ZNF469: variants seen among roughly 807,000 people sequenced by gnomAD.
The protein encoded by ZNF469 is zinc finger protein 469.
In ZNF469, 1 loss-of-function variant was observed where a neutral mutation model predicts 1.0. The observed-to-expected ratio is 1.00, with a 90% confidence interval of 0.35 to 4.73. ZNF469 has a LOEUF of 4.73. ZNF469 is among the 30% of genes most tolerant of loss of function. The pLI, the probability that ZNF469 is intolerant of heterozygous loss-of-function variation, is 0.16. For synonymous variants in ZNF469, 2,703 were observed against 2,363.4 expected (o/e 1.14, Z -4.17); for missense variants, 6,100 against 5,356.3 (o/e 1.14, Z -4.33).
chr16:88,320,554 T>G, the ZNF469 span, among the ~76,000 whole-genome samples: 68 of 152,254 alleles, frequency 4.5e-4, 2 homozygotes, highest in African/African-American at 1.6e-3. Context: ...TGGCTAGTTT[T>G]TGTATTTTTA....
chr16:88,378,945 G>A (rs1282098090), upstream of ZNF469, among the ~76,000 whole-genome samples: 2 of 152,226 alleles, frequency 1.3e-5, no homozygotes, highest in African/African-American at 4.8e-5. Context: ...ACACGTGGCA[G>A]GGGTGCGGCC....
the ZNF469 span, among the ~76,000 whole-genome samples, chr16:88,327,246 C>T: frequency 6.6e-6 from 1 of 152,194 alleles, no homozygotes; most frequent in Admixed American, 6.5e-5. Context: ...CAGCCCCTGC[C>T]TCCCCGGCAC....
rs1420231228 is a variant in ZNF469 at position 88,434,158 on chromosome 16, C to T, written c.6688C>T (p.Pro2230Ser). 1.3e-6 allele frequency: 2 copies of T among 1,550,340 alleles called. 1 individual carries two copies. Among genetic ancestry groups the T allele is most frequent in the South Asian group, 2.4e-5 (2 of 84,064 alleles). Residue 2230 changes from proline to serine, a missense_variant, in exon 3 of 3, where the codon CCT becomes TCT. Transcript: ENST00000565624. ...SPLEDPSSWP[P>S]GSVSAVTCTH... ...CCTGGAAGACCCTTCCTCCTGGCCT[C>T]CTGGCTCCGTCAGTGCTGTAACCTG...
At chr16:88,286,388 G>T in the ZNF469 span, among the ~76,000 whole-genome samples, 3 of 152,242 alleles carry the variant, frequency 2.0e-5, no homozygotes, top group African/African-American at 7.2e-5. Flanking sequence ...TTCTGCACCT[G>T]CCTGTCTGCT....
chr16:88,184,376 TATG>T, the ZNF469 span, among the ~76,000 whole-genome samples: 4 of 152,038 alleles, frequency 2.6e-5, no homozygotes, highest in Admixed American at 6.6e-5. Flanking sequence ...TGATTAAACG[TATG>T]ATTTCTGCCA....
At chr16:88,101,447 C>A in the ZNF469 span, among the ~76,000 whole-genome samples, 1 of 152,014 alleles carries the variant, frequency 6.6e-6, no homozygotes, top group Non-Finnish European at 1.5e-5. Context: ...TTGTGGCACG[C>A]TCCAGGTGAC....
upstream of ZNF469, among the ~76,000 whole-genome samples, chr16:88,378,550 C>T (rs1026063013): frequency 3.3e-5 from 5 of 152,194 alleles, no homozygotes; most frequent in African/African-American, 1.2e-4. Context: ...GATGGGCTTC[C>T]TGCCCCATAG....
chr16:88,257,525 C>T, the ZNF469 span, among the ~76,000 whole-genome samples: 2 of 152,174 alleles, frequency 1.3e-5, no homozygotes, highest in Non-Finnish European at 2.9e-5. Flanking sequence ...TGAAGTCCAG[C>T]TTATCAATTA....
At chr16:88,187,054 AT>A in the ZNF469 span, among the ~76,000 whole-genome samples, 1 of 152,180 alleles carries the variant, frequency 6.6e-6, no homozygotes, top group African/African-American at 2.4e-5. Flanking sequence ...GCCCCGGGGT[AT>A]GAAGACGATG....
the ZNF469 span, among the ~76,000 whole-genome samples, chr16:88,375,893 G>A: frequency 6.6e-6 from 1 of 152,248 alleles, no homozygotes; most frequent in Non-Finnish European, 1.5e-5. Flanking sequence ...TTTCTTTAAT[G>A]TCACTAAAGG....
Position 88,433,642 on chromosome 16 carries a change from C to G in ZNF469, c.6172C>G (p.Pro2058Ala), listed in dbSNP as rs1252476778. The G allele has an allele frequency of 1.3e-6, 2 of 1,550,110 alleles. No homozygotes were observed. Among genetic ancestry groups the G allele is most frequent in the Non-Finnish European group, 1.7e-6 (2 of 1,146,912 alleles). The part of the protein sequence containing the change: ...LQEEAEPTPS[P>A]PSPNRESLAL... Reference sequence around the variant, plus strand: ...GGAGGAGGCCGAGCCCACCCCAAGCCCCCCGTCCCCTAATAGGGAGTCCCT... The same window carrying G: ...GGAGGAGGCCGAGCCCACCCCAAGCGCCCCGTCCCCTAATAGGGAGTCCCT... The change falls in exon 3 of 3, where the codon CCC becomes GCC. Residue 2058 changes from proline (P) to alanine (A), a missense_variant. Transcript: ENST00000565624.
At chr16:88,314,219 C>G in the ZNF469 span, among the ~76,000 whole-genome samples, 2 of 122,278 alleles carry the variant, frequency 1.6e-5, no homozygotes, top group Non-Finnish European at 3.7e-5. Context: ...TGTGGGCTGT[C>G]TCTGTAATTA....
chr16:88,121,069 T>C, the ZNF469 span, among the ~76,000 whole-genome samples: 1 of 134,750 alleles, frequency 7.4e-6, no homozygotes, highest in Non-Finnish European at 1.6e-5. Context: ...GGGGTGCTGG[T>C]GGGTGCTGCA....
intron 1 of ZNF469, among the ~76,000 whole-genome samples, chr16:88,411,456 G>A (rs911158839): frequency 2.1e-4 from 31 of 150,360 alleles, no homozygotes; most frequent in Non-Finnish European, 4.1e-4. Flanking sequence ...AGGCAGGGGT[G>A]CGAGTGGGCA....
chr16:88,287,303 T>G, the ZNF469 span, among the ~76,000 whole-genome samples: 1 of 152,248 alleles, frequency 6.6e-6, no homozygotes, highest in Non-Finnish European at 1.5e-5. Context: ...GCTGTCACAG[T>G]GAAACTGCTC....
At chr16:88,341,647 C>A in the ZNF469 span, among the ~76,000 whole-genome samples, 2 of 152,226 alleles carry the variant, frequency 1.3e-5, no homozygotes, top group Admixed American at 6.5e-5. Context: ...GCCCTGCACA[C>A]CTGCAGGTGG....
chr16:88,192,073 G>A, the ZNF469 span: 10 of 152,214 alleles, frequency 6.6e-5, no homozygotes, highest in African/African-American at 2.4e-4. Context: ...CTTTCACCTT[G>A]TGAGGACACT....
chr16:88,122,942 A>C, the ZNF469 span, among the ~76,000 whole-genome samples: 1 of 131,042 alleles, frequency 7.6e-6, no homozygotes, highest in Non-Finnish European at 1.6e-5. Flanking sequence ...TCCTGGGTTC[A>C]AGTGATCCTC....
Position 88,428,688 on chromosome 16 carries a change from T to G in ZNF469, c.1218T>G (p.Phe406Leu), listed in dbSNP as rs1425139062. ...CTAGCTCCCTACCCCAGAGGCACTT[T>G]CCAGGGCAGGCGTACAGAGCCAGTG... ...GPPSSLPQRHFPGQAYRASGV... is the reference protein window; with the variant it reads ...GPPSSLPQRHLPGQAYRASGV... The change falls in exon 3 of 3, where the codon TTT (phenylalanine) becomes TTG (leucine). Residue 406 changes from phenylalanine (F) to leucine (L), a missense_variant. Phe to Leu is a conservative substitution (Grantham distance 22). Coordinates refer to ENST00000565624, the MANE Select transcript of ZNF469 (RefSeq NM_001367624.2). 6.5e-7 allele frequency: 1 copy of G among 1,549,500 alleles called. No homozygotes were observed. Among genetic ancestry groups the G allele is most frequent in the Non-Finnish European group, 8.7e-7 (1 of 1,146,800 alleles).
Sources: gnomAD v4.1 joint callset for allele counts (sites outside exome capture counted in the v4.1 genomes callset) on GRCh38, gnomAD v4.1.1 for gene constraint, MANE v1.5 for transcripts, NCBI Gene and HGNC (gene_info 2026-07-23, HGNC 2026-07-21) for gene names.